The following RGS9 variants were observed in gnomAD, a reference collection of about 807,000 sequenced individuals.
RGS9 encodes regulator of G-protein signalling 9.
In RGS9, 78 loss-of-function variants were observed where a neutral mutation model predicts 102.0. That is an observed-to-expected ratio of 0.76 (90% CI 0.64 to 0.92). The LOEUF (loss-of-function observed/expected upper bound fraction) is 0.92, where lower values mean the gene tolerates loss of function less well. Among genes scored for constraint, RGS9 ranks in the 40% least tolerant of loss-of-function variants. The pLI, the probability that RGS9 is intolerant of heterozygous loss-of-function variation, is 0.00. For synonymous variants in RGS9, 353 were observed against 318.6 expected, an observed-to-expected ratio of 1.11 and a Z score of -1.15; for missense variants, 833 against 866.1, an observed-to-expected ratio of 0.96 and a Z score of 0.48.
Position 65,227,604 on chromosome 17 carries a change from C to T in RGS9, c.*197C>T. The stretch of plus-strand genomic sequence containing the variant: ...CCAGGGGCCAACTCCTTCTCCTCTT[C>T]CTGACCCTCCCTCCCCTGGGCAGAA... On this transcript the variant is annotated 3_prime_UTR_variant, in exon 19 of 19. Coordinates refer to ENST00000262406, the MANE Select transcript of RGS9 (RefSeq NM_003835.4). 1 of 680,192 alleles carries T rather than the reference C, an allele frequency of 1.5e-6. No homozygotes were observed. The highest frequency in any genetic ancestry group is 2.5e-6 in the Non-Finnish European group (1 of 395,140). The allele number at this position is 680,192 out of a possible 1,614,324, so 42.1% of individuals were successfully genotyped here.
At chr17:65,177,068 T>G (rs1911661087) in intron 8 of RGS9, among the ~76,000 whole-genome samples, 1 of 150,448 alleles carries the variant, frequency 6.6e-6, no homozygotes, top group Non-Finnish European at 1.5e-5. Flanking sequence ...CATCCATCCA[T>G]CCATCCATCC....
intron 1 of RGS9, among the ~76,000 whole-genome samples, chr17:65,144,881 T>C (rs528516926): frequency 1.9e-4 from 29 of 152,310 alleles, no homozygotes; most frequent in African/African-American, 6.5e-4. Context: ...ACTTCTTTGC[T>C]GACAGTTCTG....
chr17:65,182,673 A>G (rs774873405), intron 9 of RGS9, among the ~76,000 whole-genome samples: 49 of 152,224 alleles, frequency 3.2e-4, no homozygotes, highest in Non-Finnish European at 6.6e-4. Flanking sequence ...CGTTTGCCCA[A>G]GGTGACCCAG....
chr17:65,158,161 G>A (rs1236034524), intron 2 of RGS9, 134 bp from the exon 3 acceptor site: 1 of 828,570 alleles, frequency 1.2e-6, no homozygotes, highest in Non-Finnish European at 2.1e-6. Context: ...TGAGGTGGGG[G>A]TTTCTGAAGG....
At chr17:65,156,700 G>A (rs890670656) in intron 2 of RGS9, among the ~76,000 whole-genome samples, 2 of 152,194 alleles carry the variant, frequency 1.3e-5, no homozygotes, top group African/African-American at 4.8e-5. Flanking sequence ...GGATGAGAAA[G>A]CCCTCGGCTC....
At chr17:65,177,838 G>C (rs1213481971) in intron 9 of RGS9, 35 bp downstream of exon 9, 2 of 1,580,516 alleles carry the variant, frequency 1.3e-6, no homozygotes, top group African/African-American at 1.3e-5. Context: ...GTAGGGCCTA[G>C]GTCGGATTCT....
intron 12 of RGS9, among the ~76,000 whole-genome samples, chr17:65,194,940 C>T (rs568773604): frequency 2.6e-5 from 4 of 152,246 alleles, no homozygotes; most frequent in Non-Finnish European, 4.4e-5. Flanking sequence ...ACCTATTCCA[C>T]GTGGCCCGCT....
chr17:65,171,448 A>G (rs943044221), intron 8 of RGS9, among the ~76,000 whole-genome samples: 4 of 152,198 alleles, frequency 2.6e-5, no homozygotes, highest in Non-Finnish European at 5.9e-5. Flanking sequence ...CTGATGGTAA[A>G]GCCCGATATT....
chr17:65,143,040 T>G (rs762205788), intron 1 of RGS9, among the ~76,000 whole-genome samples: 1 of 152,166 alleles, frequency 6.6e-6, no homozygotes, highest in Non-Finnish European at 1.5e-5. Context: ...TACAGGTGCC[T>G]GCCATCATGC....
At chr17:65,179,730 C>A (rs956884242) in intron 9 of RGS9, among the ~76,000 whole-genome samples, 1 of 150,348 alleles carries the variant, frequency 6.7e-6, no homozygotes, top group Non-Finnish European at 1.5e-5. Flanking sequence ...GAGAGGGAAG[C>A]TAAGGAGCTG....
At chr17:65,206,962 A>C (rs1324106971) in intron 15 of RGS9, among the ~76,000 whole-genome samples, 1 of 152,106 alleles carries the variant, frequency 6.6e-6, no homozygotes, top group Non-Finnish European at 1.5e-5. Flanking sequence ...CATTTCAATA[A>C]ATTTTTAAAA....
rs750247039 is a variant in RGS9, at chr17:65,177,785, T to C, written c.636T>C (p.Asn212=). ...GCCTGGACCGAGTGACCAATCCGAA[T>C]GAAGTCAAGGTAAACCAGGTATGTC... ...DYGLDRVTNP[N]EVKVNQKQTV... is the part of the protein sequence containing the mutation. Residue 212 remains asparagine (N), a synonymous_variant, in exon 9 of 19, where the codon AAT becomes AAC. Coordinates refer to ENST00000262406, the MANE Select transcript of RGS9 (RefSeq NM_003835.4). 3.7e-6 allele frequency: 6 copies of C among 1,614,092 alleles called. No homozygotes were observed. Among genetic ancestry groups the C allele is most frequent in the Non-Finnish European group, 5.1e-6 (6 of 1,180,030 alleles).
chr17:65,153,177 C>G (rs546342898), intron 1 of RGS9, among the ~76,000 whole-genome samples: 21 of 152,294 alleles, frequency 1.4e-4, no homozygotes, highest in African/African-American at 4.3e-4. Flanking sequence ...AAAAGCCACC[C>G]CAGAATCTCC....
intron 2 of RGS9, among the ~76,000 whole-genome samples, chr17:65,155,142 C>T (rs559132106): frequency 6.6e-6 from 1 of 152,320 alleles, no homozygotes; most frequent in African/African-American, 2.4e-5. Flanking sequence ...AGGCCAAGAA[C>T]CAGCGTAGCT....
chr17:65,173,365 C>T lies in RGS9; in HGVS notation c.583-4367C>T, dbSNP rs1374252484. On this transcript the variant is annotated intron_variant, in intron 8 of 18. Transcript: ENST00000262406. The surrounding 1 kb of genome is among the most constrained non-coding windows in gnomAD (Gnocchi z 4.8). ...GCTGAGAGAAGGAGGGGCAGGGGGA[C>T]ACGGTGGAGTACCACCGAGAAGTGT... is the stretch of plus-strand genomic sequence containing the variant. Among the ~76,000 whole-genome samples the T allele has an allele frequency of 1.3e-5, 2 of 150,944 alleles. No homozygotes were observed. Among genetic ancestry groups the T allele is most frequent in the Admixed American group, 1.3e-4 (2 of 15,154 alleles).
chr17:65,139,771 G>T lies in RGS9; in HGVS notation c.57+2174G>T, dbSNP rs1910085619. On this transcript the variant is annotated intron_variant, in intron 1 of 18. Coordinates refer to ENST00000262406, the MANE Select transcript of RGS9 (RefSeq NM_003835.4). ...TGCTCTTTCCCTAGACCTTGTGCTG[G>T]CAAGGGCCCTGTCTATGTATCCTCT... Among the ~76,000 whole-genome samples, 2 of 152,216 alleles carry T rather than the reference G, an allele frequency of 1.3e-5. 1 individual carries two copies. Among genetic ancestry groups the T allele is most frequent in the South Asian group, 4.1e-4 (2 of 4,828 alleles).
chr17:65,170,096 C>T (rs888399665), intron 8 of RGS9, among the ~76,000 whole-genome samples: 1 of 149,418 alleles, frequency 6.7e-6, no homozygotes, highest in Non-Finnish European at 1.5e-5. Flanking sequence ...GCTCTGTCAC[C>T]CAGGCTGGAG....
chr17:65,223,209 C>T (rs1018733270), intron 17 of RGS9, among the ~76,000 whole-genome samples: 3 of 152,220 alleles, frequency 2.0e-5, no homozygotes, highest in Non-Finnish European at 2.9e-5. Flanking sequence ...AGTCCAGGGC[C>T]TCACATTTGC....
At chr17:65,145,060 C>T (rs1012748404) in intron 1 of RGS9, among the ~76,000 whole-genome samples, 6 of 152,058 alleles carry the variant, frequency 3.9e-5, no homozygotes, top group African/African-American at 1.4e-4. Flanking sequence ...GATTAGGGTC[C>T]ACTCCATGAC....
Sources: gnomAD v4.1 joint callset for allele counts (sites outside exome capture counted in the v4.1 genomes callset) on GRCh38, gnomAD v4.1.1 for gene constraint, Gnocchi (gnomAD v3.1) non-coding constraint, MANE v1.5 for transcripts, NCBI Gene and HGNC (gene_info 2026-07-23, HGNC 2026-07-21) for gene names.